The following TRAK1 variants were observed in gnomAD, a reference collection of about 807,000 sequenced individuals.
The protein encoded by TRAK1 is trafficking kinesin protein 1.
In TRAK1, 33 loss-of-function variants were observed where a neutral mutation model predicts 92.1. That is an observed-to-expected ratio of 0.36 (90% CI 0.27 to 0.48). The LOEUF is 0.48. TRAK1 is among the 20% of genes least tolerant of loss of function. TRAK1 has a pLI of 0.99. For missense variants in TRAK1, 1,123 were observed against 1,257.9 expected, an observed-to-expected ratio of 0.89 and a Z score of 1.62; for synonymous variants, 521 against 517.3, an observed-to-expected ratio of 1.01 and a Z score of -0.10.
chr3:42,120,736 C>T (rs567879640), intron 1 of TRAK1, among the ~76,000 whole-genome samples: 13 of 152,126 alleles, frequency 8.5e-5, no homozygotes, highest in African/African-American at 2.7e-4. Context: ...TTAGTACAGA[C>T]GGGGTTTCAA....
At chr3:42,102,714 T>C (rs1706967825) in intron 1 of TRAK1, among the ~76,000 whole-genome samples, 1 of 152,214 alleles carries the variant, frequency 6.6e-6, no homozygotes, top group Non-Finnish European at 1.5e-5. Flanking sequence ...TGCGGGCCCC[T>C]AGTCTGAGCC....
intron 1 of TRAK1, among the ~76,000 whole-genome samples, chr3:42,039,420 A>G (rs1248394133): frequency 3.9e-5 from 6 of 152,128 alleles, no homozygotes; most frequent in Admixed American, 2.0e-4. Context: ...CTGGAGTGCA[A>G]TGGCGTGATC....
intron 1 of TRAK1, among the ~76,000 whole-genome samples, chr3:42,050,812 C>A (rs538631659): frequency 6.6e-6 from 1 of 152,050 alleles, no homozygotes; most frequent in Admixed American, 6.6e-5. Context: ...CCTGTGCCAC[C>A]GCGCCCAGCT....
chr3:42,043,735 C>A (rs1374971005), intron 1 of TRAK1, among the ~76,000 whole-genome samples: 1 of 151,906 alleles, frequency 6.6e-6, no homozygotes, highest in Non-Finnish European at 1.5e-5. Context: ...ATTTCCGGTT[C>A]TCCCAGTGGC....
At chr3:42,131,869 G>A (rs1697242103) in intron 2 of TRAK1, among the ~76,000 whole-genome samples, 2 of 150,934 alleles carry the variant, frequency 1.3e-5, no homozygotes, top group Non-Finnish European at 1.5e-5. Flanking sequence ...ACCAGCCTGG[G>A]CAACATGATG....
chr3:42,137,111 AT>A, intron 2 of TRAK1, among the ~76,000 whole-genome samples: 1 of 152,158 alleles, frequency 6.6e-6, no homozygotes, highest in Non-Finnish European at 1.5e-5. Context: ...TCTGCAACAC[AT>A]TTATTTAAGG....
At chr3:42,090,608 A>G (rs1480861955), upstream of TRAK1, among the ~76,000 whole-genome samples, 1 of 152,164 alleles carries the variant, frequency 6.6e-6, no homozygotes, top group Non-Finnish European at 1.5e-5. Context: ...GCTTGAACCT[A>G]GGAGATGGAG....
intron 1 of TRAK1, among the ~76,000 whole-genome samples, chr3:42,058,362 A>G (rs979052691): frequency 1.3e-5 from 2 of 151,736 alleles, no homozygotes; most frequent in African/African-American, 4.8e-5. Context: ...TTTGAGACAG[A>G]GTCTCACTCT....
chr3:42,088,776 T>C (rs77440844), upstream of TRAK1, among the ~76,000 whole-genome samples: 131 of 152,292 alleles, frequency 8.6e-4, 1 homozygote, highest in Non-Finnish European at 1.3e-3. Flanking sequence ...TTTACTTGGC[T>C]TCTGGGTCCC....
intron 14 of TRAK1, among the ~76,000 whole-genome samples, chr3:42,215,205 ATATTT>A (rs1377373113): frequency 6.6e-6 from 1 of 152,178 alleles, no homozygotes; most frequent in African/African-American, 2.4e-5. Context: ...CCATGCCCTG[ATATTT>A]TAGTCTTTTA....
At chr3:42,108,492 TAA>T (rs10578367) in intron 1 of TRAK1, among the ~76,000 whole-genome samples, 34,172 of 120,106 alleles carry the variant, frequency 0.28, 4,627 homozygotes, top group Admixed American at 0.31. Context: ...ACCCTGCCTT[TAA>T]AAAAAAAAAA....
At chr3:42,036,581 C>T (rs1702334034) in intron 1 of TRAK1, among the ~76,000 whole-genome samples, 1 of 152,196 alleles carries the variant, frequency 6.6e-6, no homozygotes, top group Non-Finnish European at 1.5e-5. Flanking sequence ...GCTGTAATCA[C>T]CAGAGCAGTG....
intron 1 of TRAK1, among the ~76,000 whole-genome samples, chr3:42,023,396 T>A (rs985678761): frequency 1.8e-4 from 28 of 152,186 alleles, no homozygotes; most frequent in African/African-American, 6.3e-4. Flanking sequence ...AGAAGGCCCA[T>A]GGCAGGGTTG....
At chr3:42,149,279 G>T in intron 2 of TRAK1, 1 of 1,369,536 alleles carries the variant, frequency 7.3e-7, no homozygotes, top group Non-Finnish European at 9.4e-7. Context: ...AGTGCTGCCA[G>T]GGTCTCCGTT....
intron 1 of TRAK1, among the ~76,000 whole-genome samples, chr3:42,099,955 GT>G (rs1706504747): frequency 1.3e-5 from 2 of 152,078 alleles, no homozygotes; most frequent in African/African-American, 2.4e-5. Flanking sequence ...GAATGGGCCT[GT>G]CCAGGTGAGG....
At chr3:42,175,331 A>G (rs1349020823) in intron 2 of TRAK1, among the ~76,000 whole-genome samples, 3 of 152,196 alleles carry the variant, frequency 2.0e-5, no homozygotes, top group Admixed American at 6.5e-5. Flanking sequence ...AGGAGTCTTC[A>G]CTTAAGCACT....
Position 42,191,646 on chromosome 3 carries a change from C to G in TRAK1, c.769+10C>G. Reference sequence around the variant, plus strand: ...TGCGTGAAGGAGCTGAGTATGTCCCCGCACTGCTGTCTTCTTACTTCCTTG... The same window carrying G: ...TGCGTGAAGGAGCTGAGTATGTCCCGGCACTGCTGTCTTCTTACTTCCTTG... On this transcript the variant is annotated intron_variant, in intron 7 of 15. Coordinates refer to ENST00000327628, the MANE Select transcript of TRAK1 (RefSeq NM_001042646.3). 2 of 1,591,028 alleles carry G rather than the reference C, an allele frequency of 1.3e-6. No individual in the cohort carries two copies. The highest frequency in any genetic ancestry group is 1.7e-6 in the Non-Finnish European group (2 of 1,168,114).
intron 14 of TRAK1, chr3:42,218,305 A>T: frequency 3.0e-6 from 3 of 985,326 alleles, no homozygotes; most frequent in Non-Finnish European, 3.6e-6. Flanking sequence ...TCCAAGAGAA[A>T]ATATACCATA....
intron 1 of TRAK1, among the ~76,000 whole-genome samples, chr3:42,018,015 C>T (rs546309938): frequency 4.6e-4 from 66 of 143,812 alleles, no homozygotes; most frequent in African/African-American, 1.6e-3. Flanking sequence ...TCCTAGAATG[C>T]TGAGGTGGGA....
Sources: gnomAD v4.1 joint callset for allele counts (sites outside exome capture counted in the v4.1 genomes callset) on GRCh38, gnomAD v4.1.1 for gene constraint, MANE v1.5 for transcripts, NCBI Gene and HGNC (gene_info 2026-07-23, HGNC 2026-07-21) for gene names.